Variants in ARHGAP22 observed in about 807,000 individuals in gnomAD.
ARHGAP22 encodes Rho GTPase activating protein 22.
A neutral mutation model predicts 59.1 loss-of-function variants in ARHGAP22; 48 were observed. The observed-to-expected ratio is 0.81, with a 90% confidence interval of 0.64 to 1.03. The LOEUF (loss-of-function observed/expected upper bound fraction) is 1.03, where lower values mean the gene tolerates loss of function less well. ARHGAP22 is among the 50% of genes least tolerant of loss of function. The probability of loss-of-function intolerance (pLI) is 0.00; values close to 1 mark genes in which losing one functional copy is unlikely to be tolerated. For synonymous variants in ARHGAP22, 445 were observed against 416.4 expected, an observed-to-expected ratio of 1.07 and a Z score of -0.84; for missense variants, 1,015 against 958.7, an observed-to-expected ratio of 1.06 and a Z score of -0.78.
intron 3 of ARHGAP22, among the ~76,000 whole-genome samples, chr10:48,508,279 A>G (rs1402334339): frequency 6.6e-6 from 1 of 152,228 alleles, no homozygotes; most frequent in East Asian, 1.9e-4. Flanking sequence ...ACCACTGCTC[A>G]GGTAGCGGCC....
At chr10:48,636,976 T>C (rs1473854863) in intron 1 of ARHGAP22, among the ~76,000 whole-genome samples, 2 of 152,224 alleles carry the variant, frequency 1.3e-5, no homozygotes, top group African/African-American at 4.8e-5. Flanking sequence ...GGCTTTCTCA[T>C]GATGGCCAGG....
chr10:48,437,977 T>A, the ARHGAP22 span: 1 of 152,258 alleles, frequency 6.6e-6, no homozygotes, highest in East Asian at 1.9e-4. Flanking sequence ...TGAAGCTCTT[T>A]CCTTGGTTAC....
intron 1 of ARHGAP22, among the ~76,000 whole-genome samples, chr10:48,615,763 G>A (rs1272346997): frequency 2.0e-5 from 3 of 152,110 alleles, no homozygotes; most frequent in African/African-American, 7.2e-5. Context: ...GGAGAATGAT[G>A]TATCATCAAG....
intron 3 of ARHGAP22, among the ~76,000 whole-genome samples, chr10:48,520,568 G>A (rs990187971): frequency 1.3e-5 from 2 of 152,172 alleles, no homozygotes; most frequent in Admixed American, 6.5e-5. Context: ...AAGGAGGGGA[G>A]GAACAATGGG....
At chr10:48,431,375 T>G in the ARHGAP22 span, 1 of 741,202 alleles carries the variant, frequency 1.3e-6, no homozygotes, top group Non-Finnish European at 2.3e-6. Context: ...AAATCATTAT[T>G]ATTCCAGGCT....
intron 3 of ARHGAP22, among the ~76,000 whole-genome samples, chr10:48,541,855 C>A (rs574026075): frequency 1.3e-5 from 2 of 152,240 alleles, no homozygotes; most frequent in Admixed American, 6.5e-5. Context: ...GTGCAGGCCA[C>A]CCTCCAAGGG....
chr10:48,472,714 G>A (rs1236365993), intron 4 of ARHGAP22, among the ~76,000 whole-genome samples: 1 of 151,946 alleles, frequency 6.6e-6, no homozygotes, highest in Non-Finnish European at 1.5e-5. Context: ...TATGGCGTCA[G>A]TCTAGCACAC....
intron 1 of ARHGAP22, among the ~76,000 whole-genome samples, chr10:48,631,603 A>G (rs564859488): frequency 1.3e-5 from 2 of 152,350 alleles, no homozygotes; most frequent in African/African-American, 4.8e-5. Context: ...CCACTCTCAA[A>G]TAACACTACT....
intron 3 of ARHGAP22, among the ~76,000 whole-genome samples, chr10:48,484,410 A>G (rs1190319111): frequency 6.6e-6 from 1 of 152,198 alleles, no homozygotes; most frequent in African/African-American, 2.4e-5. Flanking sequence ...AATTTTGTTA[A>G]AAATATTTTA....
chr10:48,512,303 G>A (rs963527529), intron 3 of ARHGAP22, among the ~76,000 whole-genome samples: 4 of 152,238 alleles, frequency 2.6e-5, no homozygotes, highest in African/African-American at 4.8e-5. Flanking sequence ...GCAGGCTCTG[G>A]TGCCAGATAG....
At chr10:48,437,296 G>C in the ARHGAP22 span, 1 of 152,060 alleles carries the variant, frequency 6.6e-6, no homozygotes, top group African/African-American at 2.4e-5. Flanking sequence ...TCTTAAATTT[G>C]TTAAGCTAAA....
exon 1 of ARHGAP22, chr10:48,652,579 T>C: frequency 2.2e-6 from 1 of 449,108 alleles, no homozygotes; most frequent in East Asian, 3.6e-5. Flanking sequence ...ATGGGAACAA[T>C]AGTGACAACC....
At chr10:48,463,317 C>A (rs1395300461) in intron 4 of ARHGAP22, among the ~76,000 whole-genome samples, 1 of 152,212 alleles carries the variant, frequency 6.6e-6, no homozygotes, top group Non-Finnish European at 1.5e-5. Flanking sequence ...CACAGACTTC[C>A]CCCAAGGACA....
intron 2 of ARHGAP22, among the ~76,000 whole-genome samples, chr10:48,571,174 A>C (rs1482995748): frequency 6.6e-6 from 1 of 152,148 alleles, no homozygotes; most frequent in Admixed American, 6.5e-5. Flanking sequence ...TAATCTACTA[A>C]TAGTCTGGCC....
At chr10:48,578,470 A>G (rs904123443) in intron 2 of ARHGAP22, among the ~76,000 whole-genome samples, 2 of 151,744 alleles carry the variant, frequency 1.3e-5, no homozygotes, top group African/African-American at 4.9e-5. Flanking sequence ...CTTAACTGGA[A>G]GTTTGAATTT....
intron 1 of ARHGAP22, among the ~76,000 whole-genome samples, chr10:48,601,919 T>C (rs1431141949): frequency 6.6e-6 from 1 of 152,204 alleles, no homozygotes; most frequent in Non-Finnish European, 1.5e-5. Context: ...ACAGCTCTCA[T>C]GGAGATGTAC....
At chr10:48,483,977 T>C (rs1343362241) in intron 3 of ARHGAP22, among the ~76,000 whole-genome samples, 11 of 152,248 alleles carry the variant, frequency 7.2e-5, no homozygotes, top group Non-Finnish European at 7.3e-5. Context: ...AGTCTTTCCC[T>C]CTATGTTTTC....
intron 3 of ARHGAP22, among the ~76,000 whole-genome samples, chr10:48,536,062 G>C (rs2135030385): frequency 6.6e-6 from 1 of 152,366 alleles, no homozygotes; most frequent in African/African-American, 2.4e-5. Context: ...TCAAAGCATA[G>C]ATAGATGTTG....
chr10:48,470,865 CT>C (rs1218392677), intron 4 of ARHGAP22, among the ~76,000 whole-genome samples: 2 of 152,222 alleles, frequency 1.3e-5, no homozygotes, highest in Non-Finnish European at 2.9e-5. Context: ...GCAAGCAGTG[CT>C]GGGGAGAAGT....
Sources: gnomAD v4.1 joint callset for allele counts (sites outside exome capture counted in the v4.1 genomes callset) on GRCh38, gnomAD v4.1.1 for gene constraint, MANE v1.5 for transcripts, NCBI Gene and HGNC (gene_info 2026-07-23, HGNC 2026-07-21) for gene names.